The following PCDHA8 variants were observed in gnomAD, a reference collection of about 807,000 sequenced individuals.
PCDHA8 encodes protocadherin alpha 8, also known as protocadherin alpha-8.
A neutral mutation model predicts 61.8 loss-of-function variants in PCDHA8; 53 were observed. The ratio of observed to expected loss-of-function variants is 0.86; its 90% CI spans 0.69 to 1.08. The LOEUF is 1.08. Ranked by LOEUF, PCDHA8 falls within the 50% of genes least tolerant of loss-of-function variation. The probability of loss-of-function intolerance (pLI) is 0.00; values close to 1 mark genes in which losing one functional copy is unlikely to be tolerated. For missense variants in PCDHA8, 1,293 were observed against 1,245.0 expected (o/e 1.04, Z -0.58); for synonymous variants, 618 against 556.6 (o/e 1.11, Z -1.55).
chr5:140,942,660 A>G (rs145204660), intron 1 of PCDHA8, among the ~76,000 whole-genome samples: 2 of 152,306 alleles, frequency 1.3e-5, no homozygotes, highest in East Asian at 1.9e-4. Context: ...CAGAAAAGCA[A>G]TAAGCACAAA....
chr5:140,909,970 G>A (rs76359002), intron 1 of PCDHA8, among the ~76,000 whole-genome samples: 2,125 of 152,312 alleles, frequency 0.014, 45 homozygotes, highest in African/African-American at 0.049. Flanking sequence ...CATGGGGAAG[G>A]ATGGGAGAAA....
rs116814228 is a variant in PCDHA8, at chr5:140,916,284, C to T, written c.2395-62665C>T. ...AGAGCATGCTTGTTGCTCTACTCCACGTGGCCAAACTGGTACCAAAGGTGC... is the reference window on the plus strand; with the variant it reads ...AGAGCATGCTTGTTGCTCTACTCCATGTGGCCAAACTGGTACCAAAGGTGC... On this transcript the variant is annotated intron_variant, in intron 1 of 3. Coordinates refer to ENST00000531613, the MANE Select transcript of PCDHA8 (RefSeq NM_018911.3). Among the ~76,000 whole-genome samples the T allele has an allele frequency of 8.7e-3, 1,322 of 152,308 alleles. 14 individuals carry two copies. The highest frequency in any genetic ancestry group is 0.03 in the African/African-American group (1,254 of 41,566).
In PCDHA8 at chr5:140,846,436, G is replaced by T. The variant is rs191314082; in HGVS notation, c.2394+2721G>T. ...ATCTCCCAGGCTGGAATGCAGTGGCGCAATCTCGGCTCACTGCAACCTCTG... is the reference window on the plus strand; with the variant it reads ...ATCTCCCAGGCTGGAATGCAGTGGCTCAATCTCGGCTCACTGCAACCTCTG... On this transcript the variant is annotated intron_variant, in intron 1 of 3. Transcript: ENST00000531613. 7.4e-4 allele frequency among the ~76,000 whole-genome samples: 97 copies of T among 131,384 alleles called. 7 individuals carry two copies. The highest frequency in any genetic ancestry group is 2.7e-3 in the Admixed American group (32 of 11,706). The allele number at this position is 131,384 out of a possible 152,430, so 86.2% of individuals were successfully genotyped here.
chr5:141,000,421 ATT>A (rs34755515), intron 3 of PCDHA8, among the ~76,000 whole-genome samples: 627 of 27,724 alleles, frequency 0.023, 1 homozygote, highest in Middle Eastern at 0.071. Context: ...ATATATATAT[ATT>A]TTTTTTTTTT....
At chr5:140,869,380 G>A (rs1315666503) in intron 1 of PCDHA8, 1 of 1,614,046 alleles carries the variant, frequency 6.2e-7, no homozygotes, top group African/African-American at 1.3e-5. Context: ...GATCGACCGC[G>A]AGGAGCTGTG....
chr5:140,845,119 A>C (rs1166318033), intron 1 of PCDHA8, among the ~76,000 whole-genome samples: 4 of 149,728 alleles, frequency 2.7e-5, no homozygotes, highest in African/African-American at 9.8e-5. Flanking sequence ...GTCCATGTTT[A>C]GCATTTTATT....
chr5:140,939,499 A>G (rs1467638389), intron 1 of PCDHA8, among the ~76,000 whole-genome samples: 1 of 152,234 alleles, frequency 6.6e-6, no homozygotes, highest in African/African-American at 2.4e-5. Flanking sequence ...TATAAATTCA[A>G]TGTCTATAAC....
At chr5:140,846,874 G>A (rs1315132744) in intron 1 of PCDHA8, among the ~76,000 whole-genome samples, 2 of 149,594 alleles carry the variant, frequency 1.3e-5, no homozygotes, top group Admixed American at 6.7e-5. Flanking sequence ...AGGTACAAGA[G>A]GTAAATCAGA....
chr5:140,944,853 C>T (rs1230548858), intron 1 of PCDHA8, among the ~76,000 whole-genome samples: 1 of 152,118 alleles, frequency 6.6e-6, no homozygotes, highest in East Asian at 1.9e-4. Context: ...TTAGAATCAT[C>T]CTTATTTATC....
chr5:140,849,616 T>C (rs2150442441), intron 1 of PCDHA8: 3 of 1,598,578 alleles, frequency 1.9e-6, no homozygotes, highest in African/African-American at 2.7e-5. Flanking sequence ...CTGATTAGTG[T>C]GATCGACCTA....
chr5:140,995,709 G>C (rs1279829164), intron 3 of PCDHA8, among the ~76,000 whole-genome samples: 6 of 152,162 alleles, frequency 3.9e-5, no homozygotes, highest in African/African-American at 1.4e-4. Flanking sequence ...GCTGGGCTTG[G>C]AAATGTTCTT....
chr5:140,868,737 T>C (rs1479223301), intron 1 of PCDHA8: 1 of 203,404 alleles, frequency 4.9e-6, no homozygotes, highest in African/African-American at 2.3e-5. Context: ...AATCGAGAAA[T>C]ACAATGCCAT....
In PCDHA8 at chr5:140,944,181, G is replaced by A. The variant is rs112665762; in HGVS notation, c.2395-34768G>A. 4.3e-3 allele frequency among the ~76,000 whole-genome samples: 661 copies of A among 151,992 alleles called. 7 individuals are homozygous for A. Among genetic ancestry groups the A allele is most frequent in the African/African-American group, 0.015 (616 of 41,488 alleles). On this transcript the variant is annotated intron_variant, in intron 1 of 3. Coordinates refer to ENST00000531613, the MANE Select transcript of PCDHA8 (RefSeq NM_018911.3). ...AAAGGGCCAAGGCTGGTTTTTTGTTGGTTTGTTTTGTTTTGTTTTGTTTTT... is the reference window on the plus strand; with the variant it reads ...AAAGGGCCAAGGCTGGTTTTTTGTTAGTTTGTTTTGTTTTGTTTTGTTTTT...
intron 1 of PCDHA8, among the ~76,000 whole-genome samples, chr5:140,899,492 T>A (rs1325439071): frequency 3.9e-5 from 6 of 152,338 alleles, no homozygotes; most frequent in Admixed American, 3.3e-4. Context: ...CTGGATTACA[T>A]TTATTGATTT....
Position 140,929,423 on chromosome 5 carries a change from C to T in PCDHA8, c.2395-49526C>T, listed in dbSNP as rs1435902323. 4.7e-6 allele frequency: 7 copies of T among 1,499,372 alleles called. No homozygotes were observed. In the Admixed American group the frequency reaches 7.1e-5, roughly 15 times the overall value. The allele number at this position is 1,499,372 out of a possible 1,614,324, so 92.9% of individuals were successfully genotyped here. A position where few individuals can be genotyped will look rare whatever the true frequency, so the allele number is the denominator to read the frequency against. The stretch of plus-strand genomic sequence containing the variant: ...AGACAAGCCTTTCACAACATTTCAT[C>T]AATTGAACTAAACACTCCTTCTTAG... On this transcript the variant is annotated intron_variant, in intron 1 of 3. Transcript: ENST00000531613.
Position 140,952,580 on chromosome 5 carries a change from A to G in PCDHA8, c.2395-26369A>G, listed in dbSNP as rs538999222. ...ATCAGCACTTCGGTCCCAATCATTCAAGTAGTCTCTAGGAAGTTCTAAGCT... is the reference window on the plus strand; with the variant it reads ...ATCAGCACTTCGGTCCCAATCATTCGAGTAGTCTCTAGGAAGTTCTAAGCT... On this transcript the variant is annotated intron_variant, in intron 1 of 3. Transcript: ENST00000531613. Among the ~76,000 whole-genome samples the G allele has an allele frequency of 2.0e-4, 30 of 152,248 alleles. No homozygotes were observed. In the South Asian group the frequency reaches 2.3e-3, roughly 12 times the overall value.
rs150949805 is a variant in PCDHA8, at chr5:141,009,832, C to T, written c.2748C>T (p.Phe916=). The stretch of plus-strand genomic sequence containing the variant: ...TTGACAAAAGTGACTTCATAACCTT[C>T]GGCAAAAAGGAGGAGACCAAGAAAA... ...SQIDKSDFIT[F]GKKEETKKKK... The change falls in exon 4 of 4, where the codon TTC becomes TTT. Residue 916 remains phenylalanine (F), a synonymous_variant. Coordinates refer to ENST00000531613, the MANE Select transcript of PCDHA8 (RefSeq NM_018911.3). The T allele has an allele frequency of 7.1e-5, 114 of 1,613,408 alleles. No individual in the cohort carries two copies. The highest frequency in any genetic ancestry group is 9.2e-5 in the Non-Finnish European group (109 of 1,179,918).
rs946669637 is a variant in PCDHA8, at chr5:140,923,020, G to C, written c.2395-55929G>C. On this transcript the variant is annotated intron_variant, in intron 1 of 3. Coordinates refer to ENST00000531613, the MANE Select transcript of PCDHA8 (RefSeq NM_018911.3). ...AGAATGGTTGTTGGACTGCAGTTTCGGACTCTATTACTACATGTATAGTAT... is the reference window on the plus strand; with the variant it reads ...AGAATGGTTGTTGGACTGCAGTTTCCGACTCTATTACTACATGTATAGTAT... Among the ~76,000 whole-genome samples the C allele has an allele frequency of 2.0e-5, 3 of 152,230 alleles. No homozygotes were observed. The East Asian group carries it at 5.8e-4, about 29-fold the overall frequency.
rs140013560 is a variant in PCDHA8 at position 140,850,963 on chromosome 5, C to A, written c.2394+7248C>A. On this transcript the variant is annotated intron_variant, in intron 1 of 3. Coordinates refer to ENST00000531613, the MANE Select transcript of PCDHA8 (RefSeq NM_018911.3). The stretch of plus-strand genomic sequence containing the variant: ...AGATATTATCGATTACTCCCAGGGG[C>A]CGTTCAAATAGTTTTATTCATTTTT... The A allele has an allele frequency of 5.0e-4, 731 of 1,472,590 alleles. 40 individuals carry two copies. The African/African-American group carries it at 9.3e-3, about 19-fold the overall frequency. The allele number at this position is 1,472,590 out of a possible 1,614,324, so 91.2% of individuals were successfully genotyped here.
Sources: allele counts gnomAD v4.1 joint callset (sites outside exome capture counted in the v4.1 genomes callset), GRCh38; gene constraint gnomAD v4.1.1; transcripts MANE v1.5; gene names NCBI Gene and HGNC (gene_info 2026-07-23, HGNC 2026-07-21).